GPHN: variants seen among roughly 807,000 people sequenced by gnomAD.
GPHN encodes the protein gephyrin.
GPHN carries 17 observed loss-of-function variants against 95.5 expected under a neutral mutation model. That is an observed-to-expected ratio of 0.18 (90% CI 0.12 to 0.27). The LOEUF is 0.27. Ranked by LOEUF, GPHN falls within the 10% of genes least tolerant of loss-of-function variation. The probability of loss-of-function intolerance (pLI) is 1.00; values close to 1 mark genes in which losing one functional copy is unlikely to be tolerated. For synonymous variants in GPHN, 320 were observed against 322.5 expected, an observed-to-expected ratio of 0.99 and a Z score of 0.08; for missense variants, 660 against 978.1, an observed-to-expected ratio of 0.67 and a Z score of 4.34.
chr14:67,150,193 A>G (rs1237078329), intron 18 of GPHN, among the ~76,000 whole-genome samples: 1 of 152,026 alleles, frequency 6.6e-6, no homozygotes, highest in Non-Finnish European at 1.5e-5. Flanking sequence ...CTGTAATCCC[A>G]GCACTTTGGG....
Position 66,659,174 on chromosome 14 carries a change from T to G in GPHN, c.65-21933T>G, listed in dbSNP as rs142287930. Among the ~76,000 whole-genome samples the G allele has an allele frequency of 6.8e-3, 1,037 of 151,776 alleles. 5 individuals are homozygous for G. Among genetic ancestry groups the G allele is most frequent in the Non-Finnish European group, 0.011 (747 of 67,760 alleles). On this transcript the variant is annotated intron_variant, in intron 1 of 22. Transcript: ENST00000478722. ...CAGTTTACAGAGTGTGTGTGTGTGT[T>G]TGTGTGCACGCGTTTAATTTCTCTT...
chr14:67,475,648 G>A, the GPHN span, among the ~76,000 whole-genome samples: 1 of 152,196 alleles, frequency 6.6e-6, no homozygotes, highest in African/African-American at 2.4e-5. Flanking sequence ...ATTAAATGGG[G>A]TTTTGGTGTT....
At chr14:66,950,377 A>G (rs544418087) in intron 8 of GPHN, among the ~76,000 whole-genome samples, 1 of 152,146 alleles carries the variant, frequency 6.6e-6, no homozygotes, top group South Asian at 2.1e-4. Context: ...ATACATTGCC[A>G]AATTGCAATT....
At chr14:66,584,714 A>G (rs1463916661) in intron 1 of GPHN, among the ~76,000 whole-genome samples, 1 of 152,180 alleles carries the variant, frequency 6.6e-6, no homozygotes, top group Non-Finnish European at 1.5e-5. Flanking sequence ...ATGTTGAGCC[A>G]GCCTTGCATC....
At chr14:66,748,684 T>C (rs528195787) in intron 2 of GPHN, among the ~76,000 whole-genome samples, 66 of 152,082 alleles carry the variant, frequency 4.3e-4, no homozygotes, top group Admixed American at 2.3e-3. Flanking sequence ...TTGGAATATG[T>C]GTATATATGT....
At chr14:67,681,521 G>T in the GPHN span, among the ~76,000 whole-genome samples, 1 of 152,160 alleles carries the variant, frequency 6.6e-6, no homozygotes, top group Non-Finnish European at 1.5e-5. Context: ...GGTGGCTCAT[G>T]CCTATAATCC....
At chr14:66,589,463 C>T (rs1408206999) in intron 1 of GPHN, among the ~76,000 whole-genome samples, 1 of 151,448 alleles carries the variant, frequency 6.6e-6, no homozygotes, top group African/African-American at 2.4e-5. Context: ...GAGTCAGGAC[C>T]CATTGATGTG....
the GPHN span, among the ~76,000 whole-genome samples, chr14:67,361,012 A>G: frequency 6.6e-6 from 1 of 152,056 alleles, no homozygotes; most frequent in Non-Finnish European, 1.5e-5. Context: ...TTGAACCAAA[A>G]CTAAATGAGA....
the GPHN span, chr14:67,578,032 C>T: frequency 6.2e-6 from 10 of 1,613,458 alleles, no homozygotes; most frequent in South Asian, 1.1e-4. This position sits in a 1 kb window ranked among gnomAD's most constrained non-coding sequence, Gnocchi z 5.0. Flanking sequence ...GTCCTGCCAG[C>T]TCTTCATCAA....
the GPHN span, chr14:67,572,419 G>GC: frequency 1.5e-6 from 1 of 645,840 alleles, no homozygotes; most frequent in South Asian, 1.9e-5. Flanking sequence ...GCGTGGGCTG[G>GC]GGGGGTGTAC....
At chr14:67,220,786 T>C in the GPHN span, among the ~76,000 whole-genome samples, 1 of 152,206 alleles carries the variant, frequency 6.6e-6, no homozygotes, top group African/African-American at 2.4e-5. Context: ...TCAGATCTAT[T>C]TGATAAAGAC....
At chr14:67,206,364 TG>T in the GPHN span, among the ~76,000 whole-genome samples, 1 of 151,950 alleles carries the variant, frequency 6.6e-6, no homozygotes, top group Non-Finnish European at 1.5e-5. Context: ...GGTGTGGTAG[TG>T]GGTGCCTGTA....
chr14:67,456,844 C>T, the GPHN span, among the ~76,000 whole-genome samples: 4 of 152,176 alleles, frequency 2.6e-5, no homozygotes, highest in Non-Finnish European at 5.9e-5. Flanking sequence ...TTCATTACAG[C>T]ACTATTCACA....
chr14:66,711,479 T>TG (rs1049709738), intron 2 of GPHN, among the ~76,000 whole-genome samples: 3 of 152,132 alleles, frequency 2.0e-5, no homozygotes, highest in Non-Finnish European at 1.5e-5. Context: ...TTTGCAGTTG[T>TG]GAATTGTGCT....
intron 9 of GPHN, among the ~76,000 whole-genome samples, chr14:66,972,289 GAAAAA>G: frequency 9.3e-6 from 1 of 108,002 alleles, no homozygotes; most frequent in South Asian, 2.9e-4. Context: ...AAAAAAGAAA[GAAAAA>G]AAAGAAAAAA....
the GPHN span, among the ~76,000 whole-genome samples, chr14:67,526,866 G>A: frequency 1.3e-5 from 2 of 152,110 alleles, no homozygotes; most frequent in Non-Finnish European, 2.9e-5. Context: ...CTTTTACAAA[G>A]AGGGGAGGGC....
intron 1 of GPHN, among the ~76,000 whole-genome samples, chr14:66,513,997 C>A (rs979785283): frequency 2.0e-5 from 3 of 151,762 alleles, no homozygotes; most frequent in Non-Finnish European, 4.4e-5. Context: ...AATAAAGCAG[C>A]AAGGAAATGA....
the GPHN span, among the ~76,000 whole-genome samples, chr14:67,608,928 A>G: frequency 6.6e-6 from 1 of 152,194 alleles, no homozygotes; most frequent in African/African-American, 2.4e-5. Context: ...GACCAAGCGT[A>G]TGGGGGGCTT....
intron 14 of GPHN, among the ~76,000 whole-genome samples, chr14:67,110,559 G>A (rs1193633670): frequency 6.6e-6 from 1 of 152,128 alleles, no homozygotes; most frequent in African/African-American, 2.4e-5. Flanking sequence ...AGTACCTCAA[G>A]AAAGAAATGC....
Sources: gnomAD v4.1 joint callset for allele counts (sites outside exome capture counted in the v4.1 genomes callset) on GRCh38, gnomAD v4.1.1 for gene constraint, Gnocchi (gnomAD v3.1) non-coding constraint, MANE v1.5 for transcripts, NCBI Gene and HGNC (gene_info 2026-07-23, HGNC 2026-07-21) for gene names.